The following GEMIN5 variants were observed in gnomAD, a reference collection of about 807,000 sequenced individuals.
GEMIN5 encodes gem nuclear organelle associated protein 5.
GEMIN5 carries 124 observed loss-of-function variants against 176.9 expected under a neutral mutation model. That is an observed-to-expected ratio of 0.70 (90% CI 0.61 to 0.81). GEMIN5 has a LOEUF of 0.81. GEMIN5 is among the 40% of genes least tolerant of loss of function. The pLI, the probability that GEMIN5 is intolerant of heterozygous loss-of-function variation, is 0.00. For synonymous variants in GEMIN5, 673 were observed against 665.2 expected (o/e 1.01, Z -0.18); for missense variants, 1,843 against 1,814.6 (o/e 1.02, Z -0.28).
Position 154,904,586 on chromosome 5 carries a change from C to T in GEMIN5, c.2553G>A (p.Leu851=), listed in dbSNP as rs985180424. 39 of 1,612,034 alleles carry T rather than the reference C, an allele frequency of 2.4e-5. No individual in the cohort carries two copies. The highest frequency in any genetic ancestry group is 3.1e-5 in the Non-Finnish European group (37 of 1,178,304). Residue 851 remains leucine, a synonymous_variant, in exon 18 of 28, where the codon CTG becomes CTA. Coordinates refer to ENST00000285873, the MANE Select transcript of GEMIN5 (RefSeq NM_015465.5). ...TGGATCTGTGGTCCAGGCTTGTACT[C>T]AGGGGAAGCAAGGAACGAGCTTTTC... ...KKRKARSLLP[L]STSLDHRSKE...
intron 12 of GEMIN5, 146 bp downstream of exon 12, chr5:154,917,785 C>G: frequency 1.5e-6 from 1 of 646,132 alleles, no homozygotes; most frequent in Non-Finnish European, 2.8e-6. Flanking sequence ...CAAGGCACTA[C>G]TGGATCAGCG....
chr5:154,934,825 ATTCTC>A (rs1764234174), intron 3 of GEMIN5, among the ~76,000 whole-genome samples: 1 of 152,120 alleles, frequency 6.6e-6, no homozygotes, highest in South Asian at 2.1e-4. Flanking sequence ...TCGTTTTCCT[ATTCTC>A]TTTGACCATT....
intron 3 of GEMIN5, 91 bp downstream of exon 3, chr5:154,935,750 T>C: frequency 1.1e-6 from 1 of 879,354 alleles, no homozygotes; most frequent in Middle Eastern, 2.2e-4. Context: ...ATGGTTTCCT[T>C]TGAGGAATAA....
rs1449821368 is a variant in GEMIN5 at position 154,898,595 on chromosome 5, C to G, written c.3190G>C (p.Asp1064His). ...DAAKVLAKKGDAASLRTAAEL... is the reference protein window; with the variant it reads ...DAAKVLAKKGHAASLRTAAEL... ...GCAGCCGTTCTAAGTGATGCCGCAT[C>G]CCCCTTTTTGGCCAAAACTTTGGCT... The change falls in exon 23 of 28, where the codon GAT (aspartate) becomes CAT (histidine). Residue 1064 changes from aspartate to histidine, a missense_variant. Coordinates refer to ENST00000285873, the MANE Select transcript of GEMIN5 (RefSeq NM_015465.5). 6.2e-7 allele frequency: 1 copy of G among 1,614,144 alleles called. No individual in the cohort carries two copies. Among genetic ancestry groups the G allele is most frequent in the South Asian group, 1.1e-5 (1 of 91,090 alleles).
intron 9 of GEMIN5, among the ~76,000 whole-genome samples, chr5:154,921,913 T>C (rs1466526948): frequency 3.3e-5 from 5 of 152,222 alleles, no homozygotes; most frequent in African/African-American, 1.2e-4. Context: ...GTTGTTGTGG[T>C]AATGATATGT....
At chr5:154,926,766 C>T (rs75704487) in intron 7 of GEMIN5, among the ~76,000 whole-genome samples, 17,643 of 152,174 alleles carry the variant, frequency 0.12, 1,245 homozygotes, top group African/African-American at 0.19. Flanking sequence ...TAACACTAGG[C>T]CAGGCGCCGT....
At position 154,903,023 on chromosome 5, in the gene GEMIN5, CA is replaced by C. The variant is rs1190184041; in HGVS notation, c.2728+56del. 3 of 1,154,606 alleles carry C rather than the reference CA, an allele frequency of 2.6e-6. No individual in the cohort carries two copies. In the East Asian group the frequency reaches 7.1e-5, roughly 27 times the overall value. 71.5% of individuals were successfully genotyped at this position (1,154,606 alleles called of 1,614,324 possible). On this transcript the variant is annotated intron_variant, in intron 19 of 27. Coordinates refer to ENST00000285873, the MANE Select transcript of GEMIN5 (RefSeq NM_015465.5). ...ATGACAGCCATCAAAGAGGTGCACACAAAATGTTGGGAAAGTATAAAGATGG... is the reference window on the plus strand; with the variant it reads ...ATGACAGCCATCAAAGAGGTGCACACAAATGTTGGGAAAGTATAAAGATGG...
chr5:154,888,136 G>T lies in GEMIN5; in HGVS notation c.*74C>A. On this transcript the variant is annotated 3_prime_UTR_variant, in exon 28 of 28. Transcript: ENST00000285873. The stretch of plus-strand genomic sequence containing the variant: ...CATCTAGGGACCAGAGTGAATGTCT[G>T]GTGAGGCATAACTGCAGAGGTGAAA... The T allele has an allele frequency of 1.5e-6, 2 of 1,345,404 alleles. No individual in the cohort carries two copies. Among genetic ancestry groups the T allele is most frequent in the Non-Finnish European group, 2.1e-6 (2 of 939,506 alleles). The allele number at this position is 1,345,404 out of a possible 1,614,324, so 83.3% of individuals were successfully genotyped here. A position where few individuals can be genotyped will look rare whatever the true frequency, so the allele number is the denominator to read the frequency against.
At chr5:154,932,050 T>G (rs1764179787) in intron 4 of GEMIN5, 49 bp downstream of exon 4, 2 of 1,339,382 alleles carry the variant, frequency 1.5e-6, no homozygotes, top group Non-Finnish European at 2.1e-6. Context: ...GTACCCGTTC[T>G]GTTCTTCAGG....
chr5:154,929,241 T>C (rs1764109619), intron 5 of GEMIN5, among the ~76,000 whole-genome samples: 1 of 152,114 alleles, frequency 6.6e-6, no homozygotes, highest in Admixed American at 6.6e-5. Context: ...AAAGAGTATT[T>C]TTTCGTCTGG....
intron 24 of GEMIN5, among the ~76,000 whole-genome samples, chr5:154,894,820 T>C (rs1030058644): frequency 6.6e-6 from 1 of 152,084 alleles, no homozygotes; most frequent in East Asian, 1.9e-4. Flanking sequence ...GGCAAGAGAA[T>C]TGCTTGAACC....
intron 5 of GEMIN5, among the ~76,000 whole-genome samples, chr5:154,930,874 C>A (rs1348294187): frequency 6.6e-6 from 1 of 151,944 alleles, no homozygotes; most frequent in Non-Finnish European, 1.5e-5. Flanking sequence ...AAGAGAAGCC[C>A]GCTAGAAAGA....
intron 24 of GEMIN5, among the ~76,000 whole-genome samples, chr5:154,894,189 C>T (rs545998810): frequency 6.6e-6 from 1 of 152,304 alleles, no homozygotes; most frequent in East Asian, 1.9e-4. Context: ...AAGCGATCCA[C>T]CCGCGTTGGC....
At position 154,932,214 on chromosome 5, in the gene GEMIN5, A is replaced by G; in HGVS notation, c.546T>C (p.Ser182=). Residue 182 remains serine (S), a synonymous_variant, in exon 4 of 28, where the codon AGT becomes AGC. Coordinates refer to ENST00000285873, the MANE Select transcript of GEMIN5 (RefSeq NM_015465.5). The part of the protein sequence containing the change: ...KDGIVVIIDI[S]KKGEVIHRLR... ...GCCTATGAATAACTTCTCCTTTCTT[A>G]CTGATGTCAATTATCACCACTATGC... 4 of 1,611,064 alleles carry G rather than the reference A, an allele frequency of 2.5e-6. No homozygotes were observed. The highest frequency in any genetic ancestry group is 3.4e-6 in the Non-Finnish European group (4 of 1,177,292).
chr5:154,903,014 A>G, intron 19 of GEMIN5, 66 bp downstream of exon 19: 1 of 1,009,846 alleles, frequency 9.9e-7, no homozygotes, highest in Non-Finnish European at 1.5e-6. Context: ...GCCATCAAAG[A>G]GGTGCACACA....
Position 154,932,180 on chromosome 5 carries a change from G to A in GEMIN5, c.580C>T (p.His194Tyr). ...KGEVIHRLRG[H>Y]DDEIHSIAWC... ...GCTATGGAGTGGATTTCATCATCAT[G>A]GCCTCGAAGCCTATGAATAACTTCT... Residue 194 changes from histidine to tyrosine, a missense_variant, in exon 4 of 28, where the codon CAT (histidine) becomes TAT (tyrosine). Coordinates refer to ENST00000285873, the MANE Select transcript of GEMIN5 (RefSeq NM_015465.5). The A allele has an allele frequency of 1.2e-6, 2 of 1,608,492 alleles. No individual in the cohort carries two copies. Among genetic ancestry groups the A allele is most frequent in the Non-Finnish European group, 1.7e-6 (2 of 1,174,894 alleles).
intron 15 of GEMIN5, among the ~76,000 whole-genome samples, chr5:154,909,846 G>C (rs896236362): frequency 6.6e-6 from 1 of 152,090 alleles, no homozygotes; most frequent in Non-Finnish European, 1.5e-5. Flanking sequence ...TGGGTGTGAG[G>C]CACGCACCTA....
At chr5:154,909,298 A>C (rs913574023) in intron 15 of GEMIN5, among the ~76,000 whole-genome samples, 2 of 150,902 alleles carry the variant, frequency 1.3e-5, no homozygotes, top group Non-Finnish European at 3.0e-5. Flanking sequence ...CCAGGATTTC[A>C]CTCTACATTC....
intron 5 of GEMIN5, among the ~76,000 whole-genome samples, chr5:154,931,155 T>A (rs918051092): frequency 1.3e-5 from 2 of 152,262 alleles, no homozygotes; most frequent in Non-Finnish European, 2.9e-5. Flanking sequence ...TTAGGCCATA[T>A]CATGTTCTAA....
Sources: gnomAD v4.1 joint callset for allele counts (sites outside exome capture counted in the v4.1 genomes callset) on GRCh38, gnomAD v4.1.1 for gene constraint, MANE v1.5 for transcripts, NCBI Gene and HGNC (gene_info 2026-07-23, HGNC 2026-07-21) for gene names.